The following SYNPR variants were observed in gnomAD, a reference collection of about 807,000 sequenced individuals.
The protein encoded by SYNPR is synaptoporin.
SYNPR carries 23 observed loss-of-function variants against 32.9 expected under a neutral mutation model. The observed-to-expected ratio is 0.70, with a 90% CI of 0.50 to 0.99. The LOEUF is 0.99. Ranked by LOEUF, SYNPR falls within the 50% of genes least tolerant of loss-of-function variation. The pLI is 0.00. For missense variants in SYNPR, 318 were observed against 349.3 expected (o/e 0.91, Z 0.71); for synonymous variants, 146 against 135.9 (o/e 1.07, Z -0.52).
chr3:63,408,209 G>A (rs1326755491), intron 2 of SYNPR, among the ~76,000 whole-genome samples: 26 of 69,976 alleles, frequency 3.7e-4, no homozygotes, highest in East Asian at 5.3e-4. Flanking sequence ...AGGAAGGAAG[G>A]AAGGAAGGAA....
chr3:63,218,870 T>C, the SYNPR span, among the ~76,000 whole-genome samples: 2 of 152,162 alleles, frequency 1.3e-5, no homozygotes, highest in Non-Finnish European at 2.9e-5. Context: ...TATTGCTGGG[T>C]TAAACAACTC....
intron 4 of SYNPR, among the ~76,000 whole-genome samples, chr3:63,559,192 C>G (rs779753382): frequency 2.4e-4 from 36 of 151,780 alleles, no homozygotes; most frequent in Admixed American, 6.6e-4. Flanking sequence ...CTCAGCCCCC[C>G]AAGCTCCCAA....
At chr3:63,467,259 T>C (rs1025706100) in intron 2 of SYNPR, among the ~76,000 whole-genome samples, 1 of 152,206 alleles carries the variant, frequency 6.6e-6, no homozygotes, top group Non-Finnish European at 1.5e-5. Flanking sequence ...AAGACTTTTA[T>C]GTAGAGAATG....
intron 2 of SYNPR, among the ~76,000 whole-genome samples, chr3:63,260,425 C>T (rs2086428408): frequency 6.6e-6 from 1 of 152,184 alleles, no homozygotes; most frequent in Admixed American, 6.5e-5. Flanking sequence ...CACATATCTA[C>T]AACCATCTGA....
At chr3:63,578,780 A>C (rs1213563358) in intron 4 of SYNPR, among the ~76,000 whole-genome samples, 2 of 152,152 alleles carry the variant, frequency 1.3e-5, no homozygotes, top group East Asian at 3.9e-4. Flanking sequence ...ATAGCCATCC[A>C]AGAGCCTGAC....
At position 63,541,637 on chromosome 3, in the gene SYNPR, T is replaced by A. The variant is rs145681357; in HGVS notation, c.210-14906T>A. Among the ~76,000 whole-genome samples, 405 of 152,222 alleles carry A rather than the reference T, an allele frequency of 2.7e-3. 2 individuals carry two copies. Among genetic ancestry groups the A allele is most frequent in the African/African-American group, 9.1e-3 (379 of 41,550 alleles). ...CTAATATAATCCTCTTTTTATAAAA[T>A]TATTTCCCTTCCCACTCACTCACTT... On this transcript the variant is annotated intron_variant, in intron 3 of 5. Transcript: ENST00000478300.
intron 3 of SYNPR, among the ~76,000 whole-genome samples, chr3:63,519,852 T>G (rs2106769991): frequency 6.6e-6 from 1 of 152,296 alleles, no homozygotes; most frequent in East Asian, 1.9e-4. Context: ...ATTTTAAAAA[T>G]TAGGAAAACT....
intron 2 of SYNPR, among the ~76,000 whole-genome samples, chr3:63,385,161 A>G (rs2088024202): frequency 6.6e-6 from 1 of 152,174 alleles, no homozygotes. Flanking sequence ...TCCTTCTTTA[A>G]GAAGATGGCT....
chr3:63,249,163 CA>C lies in SYNPR; in HGVS notation n.67-3332del, dbSNP rs1263536168. Among the ~76,000 whole-genome samples the C allele has an allele frequency of 1.6e-4, 25 of 151,926 alleles. No individual in the cohort carries two copies. In the East Asian group the frequency reaches 3.2e-3, roughly 19 times the overall value. On this transcript the variant is annotated intron_variant and non_coding_transcript_variant, in intron 1 of 4. Coordinates refer to the SYNPR transcript ENST00000478456. ...TAAGGAGTTCAGGGAATGTAAGACG[CA>C]AAAGGCCAGAATATCTGTGAGAATA...
chr3:63,367,390 G>A (rs1036827442), intron 2 of SYNPR, among the ~76,000 whole-genome samples: 4 of 140,572 alleles, frequency 2.8e-5, no homozygotes, highest in Admixed American at 1.4e-4. Flanking sequence ...GATAAGATCT[G>A]GCTCTATCTC....
chr3:63,448,369 T>C (rs534328900), intron 2 of SYNPR, among the ~76,000 whole-genome samples: 41 of 152,332 alleles, frequency 2.7e-4, no homozygotes, highest in African/African-American at 9.1e-4. Flanking sequence ...CTGGCAAAGA[T>C]ATAACAAATA....
At chr3:63,266,728 C>A (rs140603670) in intron 2 of SYNPR, among the ~76,000 whole-genome samples, 406 of 121,286 alleles carry the variant, frequency 3.3e-3, no homozygotes, top group African/African-American at 9.1e-3. Context: ...ACACAAAAAA[C>A]CACAAAAATA....
intron 2 of SYNPR, among the ~76,000 whole-genome samples, chr3:63,310,958 T>C (rs1358880298): frequency 6.6e-6 from 1 of 151,830 alleles, no homozygotes; most frequent in Non-Finnish European, 1.5e-5. Context: ...GTACTCTCAG[T>C]GTGTCCTGTT....
chr3:63,514,367 G>C (rs1701755130), intron 3 of SYNPR, among the ~76,000 whole-genome samples: 1 of 152,204 alleles, frequency 6.6e-6, no homozygotes, highest in African/African-American at 2.4e-5. Flanking sequence ...GAAGAAGACA[G>C]AGCAAGTCAT....
chr3:63,342,444 C>G (rs1192618768), intron 2 of SYNPR, among the ~76,000 whole-genome samples: 1 of 151,984 alleles, frequency 6.6e-6, no homozygotes, highest in Non-Finnish European at 1.5e-5. Context: ...ATGCTGAATC[C>G]CATTTGCATA....
the SYNPR span, among the ~76,000 whole-genome samples, chr3:63,206,881 G>A: frequency 2.0e-3 from 303 of 152,262 alleles, 8 homozygotes; most frequent in East Asian, 0.051. Context: ...GCAGAAATTA[G>A]GGTTATGAGA....
At chr3:63,464,702 C>T (rs146111015) in intron 2 of SYNPR, among the ~76,000 whole-genome samples, 1 of 152,304 alleles carries the variant, frequency 6.6e-6, no homozygotes, top group African/African-American at 2.4e-5. Context: ...TCTTTTCCCA[C>T]ATCTTCCAGT....
At chr3:63,476,049 G>A (rs1249521304) in intron 2 of SYNPR, among the ~76,000 whole-genome samples, 1 of 146,554 alleles carries the variant, frequency 6.8e-6, no homozygotes, top group African/African-American at 2.5e-5. Context: ...GGAAGAAAGA[G>A]AAGGAGAGAG....
intron 1 of SYNPR, among the ~76,000 whole-genome samples, chr3:63,247,442 G>C (rs976304319): frequency 3.3e-5 from 5 of 151,990 alleles, no homozygotes; most frequent in African/African-American, 1.2e-4. Context: ...CTTCTGGTAA[G>C]GATAAGGAAG....
Sources: gnomAD v4.1 joint callset for allele counts (sites outside exome capture counted in the v4.1 genomes callset) on GRCh38, gnomAD v4.1.1 for gene constraint, MANE v1.5 for transcripts, NCBI Gene and HGNC (gene_info 2026-07-23, HGNC 2026-07-21) for gene names.